GPC5: variants seen among roughly 807,000 people sequenced by gnomAD.
GPC5 encodes the protein glypican 5.
GPC5 carries 47 observed loss-of-function variants against 53.9 expected under a neutral mutation model. The observed-to-expected ratio is 0.87, with a 90% CI of 0.69 to 1.11. GPC5 has a LOEUF of 1.11. GPC5 is among the 50% of genes most tolerant of loss of function. The probability of loss-of-function intolerance (pLI) is 0.00; values close to 1 mark genes in which losing one functional copy is unlikely to be tolerated. For synonymous variants in GPC5, 286 were observed against 263.3 expected, an observed-to-expected ratio of 1.09 and a Z score of -0.84; for missense variants, 748 against 713.1, an observed-to-expected ratio of 1.05 and a Z score of -0.56.
At chr13:92,632,430 C>A (rs1885269697) in intron 7 of GPC5, among the ~76,000 whole-genome samples, 1 of 144,766 alleles carries the variant, frequency 6.9e-6, no homozygotes, top group South Asian at 2.2e-4. Context: ...TTATCCATAG[C>A]TTTTCTATTC....
At chr13:92,769,749 C>T (rs1386673537) in intron 7 of GPC5, among the ~76,000 whole-genome samples, 6 of 151,830 alleles carry the variant, frequency 4.0e-5, no homozygotes, top group African/African-American at 9.7e-5. Flanking sequence ...AAATGAAAAC[C>T]CCAAAGGTGA....
chr13:92,090,287 T>G (rs894753001), intron 6 of GPC5, among the ~76,000 whole-genome samples: 1 of 152,162 alleles, frequency 6.6e-6, no homozygotes, highest in South Asian at 2.1e-4. Context: ...TGCTGTAGGC[T>G]GAATGATGGT....
chr13:91,671,171 C>T (rs1032874346), intron 2 of GPC5, among the ~76,000 whole-genome samples: 9 of 152,010 alleles, frequency 5.9e-5, no homozygotes, highest in African/African-American at 1.7e-4. Flanking sequence ...TGAACATAAG[C>T]GTAAGGATTT....
chr13:92,119,491 C>T (rs1444490837), intron 6 of GPC5, among the ~76,000 whole-genome samples: 21 of 148,348 alleles, frequency 1.4e-4, no homozygotes, highest in Admixed American at 4.7e-4. Context: ...CTCCGCCCCC[C>T]GGGGTTCACA....
At chr13:92,291,086 G>T (rs2042991516) in intron 7 of GPC5, among the ~76,000 whole-genome samples, 1 of 152,166 alleles carries the variant, frequency 6.6e-6, no homozygotes, top group Non-Finnish European at 1.5e-5. Context: ...TTTCCGCTAG[G>T]CAGGGCTTGG....
At chr13:91,437,343 G>A (rs892688530) in intron 1 of GPC5, among the ~76,000 whole-genome samples, 1 of 152,160 alleles carries the variant, frequency 6.6e-6, no homozygotes, top group African/African-American at 2.4e-5. Context: ...TCCTTTCCAT[G>A]TTTAGTGCTT....
chr13:91,492,542 T>A (rs1489363138), intron 2 of GPC5, among the ~76,000 whole-genome samples: 1 of 152,158 alleles, frequency 6.6e-6, no homozygotes, highest in Non-Finnish European at 1.5e-5. Flanking sequence ...TGAGTTCGCC[T>A]TTTTTCTGTC....
chr13:92,098,560 A>T (rs1183043640), intron 6 of GPC5, among the ~76,000 whole-genome samples: 3 of 152,172 alleles, frequency 2.0e-5, no homozygotes, highest in African/African-American at 7.2e-5. Flanking sequence ...GTTCCATAGA[A>T]GTTTGTAAAA....
At chr13:92,008,936 G>A (rs1204225781) in intron 6 of GPC5, among the ~76,000 whole-genome samples, 3 of 151,172 alleles carry the variant, frequency 2.0e-5, no homozygotes, top group East Asian at 1.9e-4. Context: ...CTTTCCTTCC[G>A]CTATATCCAA....
chr13:92,624,172 C>T (rs573302440), intron 7 of GPC5, among the ~76,000 whole-genome samples: 60 of 151,828 alleles, frequency 4.0e-4, no homozygotes, highest in African/African-American at 1.3e-3. Context: ...CATGTTCAAG[C>T]GATCCTCCTG....
Position 92,787,667 on chromosome 13 carries a change from C to CAAAAA in GPC5, c.1562-78603_1562-78599dup, listed in dbSNP as rs71202562. On this transcript the variant is annotated intron_variant, in intron 7 of 7. Coordinates refer to ENST00000377067, the MANE Select transcript of GPC5 (RefSeq NM_004466.6). ...GGGCAACAGAGAGACCTCATAGCTA[C>CAAAAA]AAAAAAAAAAAAAAAAGAAAAGAAA... Among the ~76,000 whole-genome samples the CAAAAA allele has an allele frequency of 1.0e-3, 56 of 55,200 alleles. 1 individual carries two copies. Among genetic ancestry groups the CAAAAA allele is most frequent in the African/African-American group, 2.9e-3 (40 of 13,882 alleles). 36.2% of individuals were successfully genotyped at this position (55,200 alleles called of 152,430 possible). A position where few individuals can be genotyped will look rare whatever the true frequency, so the allele number is the denominator to read the frequency against.
At chr13:92,065,048 G>A (rs1004930519) in intron 6 of GPC5, among the ~76,000 whole-genome samples, 1 of 152,032 alleles carries the variant, frequency 6.6e-6, no homozygotes, top group African/African-American at 2.4e-5. Context: ...GCAGAAAGAA[G>A]CTCTCAGATC....
chr13:92,496,050 T>C (rs1032039278), intron 7 of GPC5, among the ~76,000 whole-genome samples: 1 of 152,154 alleles, frequency 6.6e-6, no homozygotes, highest in South Asian at 2.1e-4. Context: ...AGCATGTATT[T>C]TGTTATGGTT....
At chr13:91,612,089 AT>A (rs1443475881) in intron 2 of GPC5, among the ~76,000 whole-genome samples, 1 of 152,144 alleles carries the variant, frequency 6.6e-6, no homozygotes, top group African/African-American at 2.4e-5. Flanking sequence ...TTAGTTGTAT[AT>A]TTTCCAACTC....
Position 92,589,581 on chromosome 13 carries a change from T to A in GPC5, c.1562-276701T>A, listed in dbSNP as rs142008449. Among the ~76,000 whole-genome samples, 860 of 152,274 alleles carry A rather than the reference T, an allele frequency of 5.6e-3. 5 individuals are homozygous for A. The highest frequency in any genetic ancestry group is 7.9e-3 in the Non-Finnish European group (539 of 68,010). ...TGTTAGTGAGCAGAAGAATAATTCATGAGATTTTATGATCATGGCATTGTG... is the reference window on the plus strand; with the variant it reads ...TGTTAGTGAGCAGAAGAATAATTCAAGAGATTTTATGATCATGGCATTGTG... On this transcript the variant is annotated intron_variant, in intron 7 of 7. Transcript: ENST00000377067.
intron 7 of GPC5, among the ~76,000 whole-genome samples, chr13:92,165,214 T>A (rs2042018535): frequency 6.6e-6 from 1 of 152,214 alleles, no homozygotes; most frequent in Non-Finnish European, 1.5e-5. Context: ...AAAATGGGTT[T>A]TTCTTTTCTA....
intron 2 of GPC5, among the ~76,000 whole-genome samples, chr13:91,457,042 T>C (rs1484634235): frequency 1.3e-5 from 2 of 152,108 alleles, no homozygotes; most frequent in Middle Eastern, 3.2e-3. Context: ...TAAAATTGCG[T>C]AATAATTTGA....
intron 7 of GPC5, among the ~76,000 whole-genome samples, chr13:92,432,842 CT>C (rs1357341826): frequency 6.6e-6 from 1 of 151,900 alleles, no homozygotes; most frequent in African/African-American, 2.4e-5. Flanking sequence ...GTTTCTTTTC[CT>C]TTTCCTTTCC....
At chr13:92,192,987 C>T (rs950550662) in intron 7 of GPC5, among the ~76,000 whole-genome samples, 11 of 151,996 alleles carry the variant, frequency 7.2e-5, no homozygotes, top group Admixed American at 5.2e-4. Context: ...CCAGCCTGGC[C>T]AACATAGTGA....
Sources: gnomAD v4.1 joint callset for allele counts (sites outside exome capture counted in the v4.1 genomes callset) on GRCh38, gnomAD v4.1.1 for gene constraint, MANE v1.5 for transcripts, NCBI Gene and HGNC (gene_info 2026-07-23, HGNC 2026-07-21) for gene names.